The following SGK3 variants were observed in gnomAD, a reference collection of about 807,000 sequenced individuals.
The protein encoded by SGK3 is serine/threonine-protein kinase Sgk3.
SGK3 carries 47 observed loss-of-function variants against 68.5 expected under a neutral mutation model. That is an observed-to-expected ratio of 0.69 (90% confidence interval 0.54 to 0.87). The LOEUF is 0.87. Among genes scored for constraint, SGK3 ranks in the 40% least tolerant of loss-of-function variants. SGK3 has a pLI of 0.00. For missense variants in SGK3, 479 were observed against 575.5 expected, an observed-to-expected ratio of 0.83 and a Z score of 1.72; for synonymous variants, 181 against 189.1, an observed-to-expected ratio of 0.96 and a Z score of 0.35.
Position 66,836,627 on chromosome 8 carries a change from C to T in SGK3, c.741+553C>T, listed in dbSNP as rs368702410. On this transcript the variant is annotated intron_variant, in intron 10 of 16. Transcript: ENST00000521198. ...CAGCCTGGGTAACAGAACGAGACCC[C>T]ATCTCTTTAAAAAAAAAAAAAAGGC... Among the ~76,000 whole-genome samples, 417 of 148,380 alleles carry T rather than the reference C, an allele frequency of 2.8e-3. 3 individuals carry two copies. The highest frequency in any genetic ancestry group is 0.01 in the African/African-American group (407 of 39,830).
chr8:66,851,921 TTTC>T (rs1810304585), intron 16 of SGK3, among the ~76,000 whole-genome samples: 1 of 152,216 alleles, frequency 6.6e-6, no homozygotes, highest in Non-Finnish European at 1.5e-5. Flanking sequence ...TATTACTGTT[TTTC>T]TTATTACACA....
rs115319186 is a variant in SGK3 at position 66,780,602 on chromosome 8, G to A, written c.-121-13014G>A. 1.9e-3 allele frequency among the ~76,000 whole-genome samples: 287 copies of A among 152,296 alleles called. 2 individuals are homozygous for A. Among genetic ancestry groups the A allele is most frequent in the African/African-American group, 6.3e-3 (260 of 41,562 alleles). On this transcript the variant is annotated intron_variant, in intron 1 of 16. Transcript: ENST00000521198. The stretch of plus-strand genomic sequence containing the variant: ...GCCACTGGTACAATAGACGAGATGG[G>A]AGAGGGCTTGGAAGGTGTGCGAAAT...
chr8:66,778,997 A>G (rs747379607), intron 1 of SGK3, among the ~76,000 whole-genome samples: 5 of 152,164 alleles, frequency 3.3e-5, no homozygotes, highest in Non-Finnish European at 7.4e-5. Context: ...TCTATACTGG[A>G]TAGGACTGAA....
chr8:66,725,036 C>T (rs1455408035), intron 1 of SGK3, among the ~76,000 whole-genome samples: 1 of 152,070 alleles, frequency 6.6e-6, no homozygotes, highest in Non-Finnish European at 1.5e-5. Flanking sequence ...ACCATCCTGG[C>T]TAACATGGTG....
intron 4 of SGK3, among the ~76,000 whole-genome samples, chr8:66,806,115 T>C (rs1208753651): frequency 2.0e-5 from 3 of 152,240 alleles, no homozygotes; most frequent in Non-Finnish European, 4.4e-5. Flanking sequence ...TATTATTCTT[T>C]ACACTTTATG....
At chr8:66,723,926 A>AT (rs1276789078) in intron 1 of SGK3, among the ~76,000 whole-genome samples, 2 of 152,044 alleles carry the variant, frequency 1.3e-5, no homozygotes, top group South Asian at 2.1e-4. Context: ...CTGTAAGGAG[A>AT]TTTTTTTACT....
chr8:66,804,460 T>C lies in SGK3; in HGVS notation c.253+13T>C. 6.2e-7 allele frequency: 1 copy of C among 1,611,554 alleles called. No homozygotes were observed. Among genetic ancestry groups the C allele is most frequent in the Non-Finnish European group, 8.5e-7 (1 of 1,178,724 alleles). On this transcript the variant is annotated intron_variant, in intron 4 of 16. Transcript: ENST00000521198. ...AATTTTGATCCAGGTAAGAAACAAC[T>C]TCATAGGCCAGCTATGAAGTGATTG... is the stretch of plus-strand genomic sequence containing the variant.
intron 1 of SGK3, among the ~76,000 whole-genome samples, chr8:66,728,316 G>T (rs528879733): frequency 1.3e-5 from 2 of 151,246 alleles, no homozygotes; most frequent in South Asian, 4.2e-4. Flanking sequence ...GTAGCATGTG[G>T]TACTTCATTT....
intron 1 of SGK3, among the ~76,000 whole-genome samples, chr8:66,746,128 C>T (rs1013908515): frequency 1.2e-4 from 19 of 152,168 alleles, no homozygotes; most frequent in African/African-American, 4.1e-4. Context: ...ATCTCTTGCC[C>T]ATTGCATCAA....
intron 1 of SGK3, among the ~76,000 whole-genome samples, chr8:66,729,405 G>T (rs1805076940): frequency 6.6e-6 from 1 of 151,504 alleles, no homozygotes; most frequent in Non-Finnish European, 1.5e-5. Context: ...GCAGTGAGCC[G>T]AGATCGCGCC....
At chr8:66,791,193 A>G (rs1807439297) in intron 1 of SGK3, among the ~76,000 whole-genome samples, 1 of 152,220 alleles carries the variant, frequency 6.6e-6, no homozygotes, top group Non-Finnish European at 1.5e-5. Context: ...GATGTCAGAA[A>G]GGGACCAGGG....
In SGK3 at chr8:66,798,542, G is replaced by T; in HGVS notation, c.97G>T (p.Val33Phe). 1 of 1,606,588 alleles carries T rather than the reference G, an allele frequency of 6.2e-7. No individual in the cohort carries two copies. The highest frequency in any genetic ancestry group is 8.5e-7 in the Non-Finnish European group (1 of 1,176,422). ...EHREKKKRFT[V>F]YKVLVSVGRS... ...ATTATGTAATTTTTTATTTCCACAG[G>T]TTTATAAAGTTCTGGTTTCAGTGGG... Residue 33 changes from valine (V) to phenylalanine (F), a missense_variant and splice_region_variant, in exon 3 of 17, where the codon GTT (valine) becomes TTT (phenylalanine). Coordinates refer to ENST00000521198, the MANE Select transcript of SGK3 (RefSeq NM_001033578.3).
At chr8:66,770,627 A>G (rs1365047409) in intron 1 of SGK3, among the ~76,000 whole-genome samples, 6 of 152,312 alleles carry the variant, frequency 3.9e-5, no homozygotes, top group Non-Finnish European at 8.8e-5. Flanking sequence ...ACCTGATGGA[A>G]CAGCCACTAT....
chr8:66,758,339 G>A (rs1563612580), intron 1 of SGK3, among the ~76,000 whole-genome samples: 2 of 152,108 alleles, frequency 1.3e-5, no homozygotes, highest in African/African-American at 4.8e-5. Flanking sequence ...GGGCAACAGA[G>A]TGAGACTCTG....
chr8:66,730,351 T>C (rs1412105855), intron 1 of SGK3, among the ~76,000 whole-genome samples: 1 of 152,188 alleles, frequency 6.6e-6, no homozygotes, highest in Non-Finnish European at 1.5e-5. Context: ...TCTGAATATA[T>C]GTCCCTTATG....
chr8:66,786,559 G>T (rs1447733563), intron 1 of SGK3, among the ~76,000 whole-genome samples: 1 of 152,210 alleles, frequency 6.6e-6, no homozygotes, highest in Non-Finnish European at 1.5e-5. Context: ...TGCACATAGA[G>T]ATTTTGGAGT....
At chr8:66,801,389 C>T (rs1807939747) in intron 3 of SGK3, among the ~76,000 whole-genome samples, 1 of 152,114 alleles carries the variant, frequency 6.6e-6, no homozygotes, top group Non-Finnish European at 1.5e-5. Context: ...GTTGAAACAA[C>T]AGCCAATGAG....
chr8:66,825,210 C>G (rs16933068), intron 6 of SGK3, among the ~76,000 whole-genome samples: 171 of 152,030 alleles, frequency 1.1e-3, no homozygotes, highest in African/African-American at 3.8e-3. Context: ...TTTTTTCATC[C>G]ATAGTGTCTG....
intron 4 of SGK3, among the ~76,000 whole-genome samples, chr8:66,806,849 C>G (rs1188365442): frequency 6.7e-6 from 1 of 149,400 alleles, no homozygotes; most frequent in African/African-American, 2.5e-5. Flanking sequence ...CAAAAGAAAT[C>G]TTATGGAAAT....
Sources: allele counts gnomAD v4.1 joint callset (sites outside exome capture counted in the v4.1 genomes callset), GRCh38; gene constraint gnomAD v4.1.1; transcripts MANE v1.5; gene names NCBI Gene and HGNC (gene_info 2026-07-23, HGNC 2026-07-21).